Variants in PRH1 observed in about 807,000 individuals in gnomAD.
The protein encoded by PRH1 is proline rich protein HaeIII subfamily 1.
Under a neutral mutation model 7.9 loss-of-function variants are expected in PRH1, and 7 were observed. The ratio of observed to expected loss-of-function variants is 0.89; its 90% CI spans 0.50 to 1.67. The LOEUF is 1.67. Among genes scored for constraint, PRH1 ranks in the 40% most tolerant of loss-of-function variants. The pLI is 0.00. For synonymous variants in PRH1, 45 were observed against 80.8 expected (o/e 0.56, Z 2.38); for missense variants, 109 against 223.6 (o/e 0.49, Z 3.27).
chr12:11,061,334 C>A (rs1161106010), intron 1 of PRH1: 1 of 1,584,646 alleles, frequency 6.3e-7, no homozygotes, highest in Admixed American at 1.9e-5. Context: ...TTGTTTTCTG[C>A]TAGAAGATAC....
chr12:11,157,332 C>T (rs1337895869), intron 1 of PRH1, among the ~76,000 whole-genome samples: 1 of 152,142 alleles, frequency 6.6e-6, no homozygotes, highest in Non-Finnish European at 1.5e-5. Context: ...CACAGCAACA[C>T]CATCTTATAA....
intron 1 of PRH1, among the ~76,000 whole-genome samples, chr12:11,161,074 C>T (rs7955495): frequency 0.46 from 69,127 of 151,870 alleles, 16,528 homozygotes; most frequent in Non-Finnish European, 0.53. Flanking sequence ...ATGTGCACTA[C>T]TTCCAGGCCC....
chr12:11,101,638 G>T (rs953168355), intron 1 of PRH1, among the ~76,000 whole-genome samples: 3 of 151,962 alleles, frequency 2.0e-5, no homozygotes, highest in African/African-American at 7.3e-5. Context: ...TGTACTTTAG[G>T]TTTCTGCTTT....
intron 1 of PRH1, chr12:11,022,386 C>G: frequency 3.2e-6 from 5 of 1,555,876 alleles, no homozygotes; most frequent in Non-Finnish European, 4.3e-6. Context: ...AAAGGAATAA[C>G]ATGACCCAGA....
At chr12:10,959,306 C>T (rs1008863649) in intron 2 of PRH1, among the ~76,000 whole-genome samples, 1 of 147,548 alleles carries the variant, frequency 6.8e-6, no homozygotes, top group Non-Finnish European at 1.5e-5. Flanking sequence ...TGTTAGGCAT[C>T]CAAATGAAGA....
intron 1 of PRH1, among the ~76,000 whole-genome samples, chr12:11,000,217 C>T (rs1464762690): frequency 6.6e-6 from 1 of 152,048 alleles, no homozygotes; most frequent in Non-Finnish European, 1.5e-5. Context: ...TTTAACTCAG[C>T]AAGACGCTAT....
chr12:10,933,217 G>T (rs1354736701), intron 2 of PRH1, among the ~76,000 whole-genome samples: 1 of 151,950 alleles, frequency 6.6e-6, no homozygotes, highest in Non-Finnish European at 1.5e-5. Context: ...AGTTTTTACA[G>T]ATATACAATA....
At chr12:11,170,646 G>A (rs1339096404) in intron 1 of PRH1, among the ~76,000 whole-genome samples, 1 of 152,212 alleles carries the variant, frequency 6.6e-6, no homozygotes, top group African/African-American at 2.4e-5. Context: ...TGCAGAAATG[G>A]CTGAAGCTTC....
intron 2 of PRH1, among the ~76,000 whole-genome samples, chr12:10,970,279 C>G (rs1424905000): frequency 6.6e-6 from 1 of 152,006 alleles, no homozygotes; most frequent in African/African-American, 2.4e-5. Context: ...TGTGCACATA[C>G]TATGATTTTT....
intron 1 of PRH1, among the ~76,000 whole-genome samples, chr12:11,005,465 T>A (rs1233156267): frequency 6.6e-6 from 1 of 152,154 alleles, no homozygotes; most frequent in Non-Finnish European, 1.5e-5. Flanking sequence ...ATGACCACTG[T>A]GGATTGATTT....
chr12:11,130,739 G>T (rs561051894), intron 1 of PRH1, among the ~76,000 whole-genome samples: 6 of 152,238 alleles, frequency 3.9e-5, no homozygotes, highest in African/African-American at 1.4e-4. Context: ...TTCAGCAGAG[G>T]GAATGCTGAA....
chr12:10,898,339 C>A (rs1949677948), intron 2 of PRH1, among the ~76,000 whole-genome samples: 1 of 152,032 alleles, frequency 6.6e-6, no homozygotes, highest in Non-Finnish European at 1.5e-5. Context: ...AAAAGATACA[C>A]CCTAGGTAAA....
chr12:11,158,452 G>T (rs1201152276), intron 1 of PRH1, among the ~76,000 whole-genome samples: 1 of 151,406 alleles, frequency 6.6e-6, no homozygotes, highest in African/African-American at 2.4e-5. Context: ...TTTTTTCTGT[G>T]ATTTTATATA....
upstream of PRH1, among the ~76,000 whole-genome samples, chr12:11,050,471 A>G (rs1023695220): frequency 2.6e-5 from 4 of 152,070 alleles, no homozygotes; most frequent in African/African-American, 4.8e-5. Context: ...TAAACTCACA[A>G]CCTTCAGCAT....
chr12:11,104,756 A>G (rs1366990930), intron 1 of PRH1, among the ~76,000 whole-genome samples: 1 of 151,336 alleles, frequency 6.6e-6, no homozygotes, highest in Non-Finnish European at 1.5e-5. Context: ...ATGATGGCAC[A>G]GATTTATAAT....
At chr12:10,926,748 G>T (rs371472024) in intron 2 of PRH1, among the ~76,000 whole-genome samples, 5 of 152,140 alleles carry the variant, frequency 3.3e-5, no homozygotes. Flanking sequence ...TAAGCTAATG[G>T]GTAGTGCCTG....
chr12:10,960,258 A>G (rs993387149), intron 2 of PRH1, among the ~76,000 whole-genome samples: 15 of 152,254 alleles, frequency 9.9e-5, no homozygotes, highest in African/African-American at 3.1e-4. Context: ...GGACTGAGCC[A>G]ATTCACAGAA....
At chr12:10,950,408 T>G (rs1252732173) in intron 2 of PRH1, among the ~76,000 whole-genome samples, 6 of 152,038 alleles carry the variant, frequency 3.9e-5, no homozygotes, top group Non-Finnish European at 7.4e-5. Context: ...TGCACTTTTA[T>G]ATTTATATAA....
chr12:10,935,424 T>C (rs896803344), intron 2 of PRH1, among the ~76,000 whole-genome samples: 1 of 152,178 alleles, frequency 6.6e-6, no homozygotes, highest in Non-Finnish European at 1.5e-5. Context: ...CCAGGAACAT[T>C]TGAGAACCAT....
Sources: allele counts gnomAD v4.1 joint callset (sites outside exome capture counted in the v4.1 genomes callset), GRCh38; gene constraint gnomAD v4.1.1; transcripts MANE v1.5; gene names NCBI Gene and HGNC (gene_info 2026-07-23, HGNC 2026-07-21).